CELSR1: variants seen among roughly 807,000 people sequenced by gnomAD.
The protein encoded by CELSR1 is adhesion G protein-coupled receptor C1.
In CELSR1, 110 loss-of-function variants were observed where a neutral mutation model predicts 249.1. That is an observed-to-expected ratio of 0.44 (90% CI 0.38 to 0.52). The LOEUF (loss-of-function observed/expected upper bound fraction) is 0.52. Among genes scored for constraint, CELSR1 ranks in the 20% least tolerant of loss-of-function variants. CELSR1 has a pLI of 0.00. For missense variants in CELSR1, 4,109 were observed against 4,296.4 expected, an observed-to-expected ratio of 0.96 and a Z score of 1.22; for synonymous variants, 2,113 against 1,900.0, an observed-to-expected ratio of 1.11 and a Z score of -2.92.
At chr22:46,502,327 G>T (rs1287404375) in intron 1 of CELSR1, among the ~76,000 whole-genome samples, 1 of 131,572 alleles carries the variant, frequency 7.6e-6, no homozygotes, top group Admixed American at 7.5e-5. Context: ...GAGGAAGAGG[G>T]GAGGGTAGGG....
At chr22:46,501,460 C>A (rs1341297426) in intron 1 of CELSR1, among the ~76,000 whole-genome samples, 3 of 152,152 alleles carry the variant, frequency 2.0e-5, no homozygotes, top group Non-Finnish European at 4.4e-5. Context: ...CCCGCCTCGA[C>A]CTCCCAGAGT....
intron 30 of CELSR1, 82 bp from the exon 31 acceptor site, chr22:46,365,771 C>G (rs536399252): frequency 2.9e-6 from 3 of 1,029,214 alleles, no homozygotes; most frequent in African/African-American, 3.4e-5. Context: ...AGATTCTCTG[C>G]CCCTACCCCT....
rs1000342401 is a variant in CELSR1, at chr22:46,417,201, T to C, written c.4612-5442A>G. Among the ~76,000 whole-genome samples, 1 of 152,192 alleles carries C rather than the reference T, an allele frequency of 6.6e-6. No homozygotes were observed. The highest frequency in any genetic ancestry group is 2.4e-5 in the African/African-American group (1 of 41,450). On this transcript the variant is annotated intron_variant, in intron 5 of 34. Transcript: ENST00000674500. This position sits in a 1 kb window ranked among gnomAD's most constrained non-coding sequence, Gnocchi z 4.1. The stretch of plus-strand genomic sequence containing the variant: ...CCCAGGAAATGTGGGCAAGACCCCG[T>C]GCCAGTTCTGGCATGGAGACGACAA...
Position 46,445,863 on chromosome 22 carries a change from TCCTCCCAC to T in CELSR1, c.4184-6460_4184-6453del, listed in dbSNP as rs2079813618. Reference sequence around the variant, plus strand: ...GCTGCTCCTGGCCTTTGCCAGCTCATCCTCCCACCCAGCCAGGGAGAGGTGGAGTCCTC... The same window carrying T: ...GCTGCTCCTGGCCTTTGCCAGCTCATCCAGCCAGGGAGAGGTGGAGTCCTC... On this transcript the variant is annotated intron_variant, in intron 2 of 34. Transcript: ENST00000674500. This position sits in a 1 kb window ranked among gnomAD's most constrained non-coding sequence, Gnocchi z 4.4. Among the ~76,000 whole-genome samples the T allele has an allele frequency of 6.6e-6, 1 of 152,122 alleles. No individual in the cohort carries two copies. The highest frequency in any genetic ancestry group is 1.9e-4 in the East Asian group (1 of 5,188).
chr22:46,472,061 G>A lies in CELSR1; in HGVS notation c.3545-7716C>T, dbSNP rs138079994. Among the ~76,000 whole-genome samples the A allele has an allele frequency of 1.6e-3, 246 of 152,288 alleles. 1 individual carries two copies. Among genetic ancestry groups the A allele is most frequent in the African/African-American group, 5.6e-3 (234 of 41,568 alleles). ...GCTCCAGGCATTCCTCCCAGGCCTG[G>A]AGCGGCTCCGCGGCACCTCAAAAGC... is the stretch of plus-strand genomic sequence containing the variant. On this transcript the variant is annotated intron_variant, in intron 1 of 34. Transcript: ENST00000674500. The surrounding 1 kb of genome is among the most constrained non-coding windows in gnomAD (Gnocchi z 7.0).
intron 24 of CELSR1, among the ~76,000 whole-genome samples, chr22:46,373,372 T>G (rs571634827): frequency 6.6e-6 from 1 of 151,400 alleles, no homozygotes; most frequent in East Asian, 2.0e-4. Flanking sequence ...GGAACTGCAC[T>G]TGAAGATGTG....
Position 46,389,505 on chromosome 22 carries a change from A to T in CELSR1, c.6346-6T>A. 1.9e-6 allele frequency: 3 copies of T among 1,613,044 alleles called. No homozygotes were observed. The highest frequency in any genetic ancestry group is 2.5e-6 in the Non-Finnish European group (3 of 1,179,984). On this transcript the variant is annotated splice_polypyrimidine_tract_variant and splice_region_variant and intron_variant, in intron 17 of 34. Transcript: ENST00000674500. ...TTGCGGCTCAGCTTCTCATTCTGGA[A>T]CAGGGAGGCAGTCGTGATGTGTGCA...
intron 1 of CELSR1, among the ~76,000 whole-genome samples, chr22:46,504,816 C>T (rs2080499377): frequency 6.6e-6 from 1 of 152,132 alleles, no homozygotes. Context: ...TCAGCAAAAC[C>T]TCAAAAGTTA....
chr22:46,498,271 AAAAAAGCGAAAC>A (rs2080432977), intron 1 of CELSR1, among the ~76,000 whole-genome samples: 3 of 70,280 alleles, frequency 4.3e-5, no homozygotes, highest in East Asian at 4.2e-4. Flanking sequence ...AAAAAAAAAA[AAAAAAGCGAAAC>A]TCTGTCTCAA....
Position 46,436,230 on chromosome 22 carries a change from T to C in CELSR1, c.4466A>G (p.His1489Arg). 6.2e-7 allele frequency: 1 copy of C among 1,614,172 alleles called. No homozygotes were observed. The highest frequency in any genetic ancestry group is 8.5e-7 in the Non-Finnish European group (1 of 1,180,030). The stretch of plus-strand genomic sequence containing the variant: ...CACGATCTCCAGGGCGATGAAGTCG[T>C]GCTTCTCATTGAAGCGGCCGTTGTA... ...LLYNGRFNEK[H>R]DFIALEIVDE... The change falls in exon 4 of 35, where the codon CAC becomes CGC. Residue 1489 changes from histidine to arginine, a missense_variant. By Grantham distance (29) the His-to-Arg change is conservative. This residue lies in a region of CELSR1 where 453 missense variants were observed against 492.0 expected (regional missense o/e 0.92). Coordinates refer to ENST00000674500, the MANE Select transcript of CELSR1 (RefSeq NM_001378328.1). The surrounding 1 kb of genome is among the most constrained non-coding windows in gnomAD (Gnocchi z 5.9).
At chr22:46,466,981 C>T (rs932291160) in intron 1 of CELSR1, among the ~76,000 whole-genome samples, 11 of 152,190 alleles carry the variant, frequency 7.2e-5, no homozygotes, top group African/African-American at 2.2e-4. Context: ...ACAAAGCCTC[C>T]AGGAACCTGG....
At chr22:46,451,120 C>T (rs1407037995) in intron 2 of CELSR1, among the ~76,000 whole-genome samples, 3 of 152,142 alleles carry the variant, frequency 2.0e-5, no homozygotes, top group Non-Finnish European at 4.4e-5. Context: ...TTGGGTTTCA[C>T]GCATTGTTTG....
In CELSR1 at chr22:46,440,763, T is replaced by C. The variant is rs541404771; in HGVS notation, c.4184-1352A>G. Among the ~76,000 whole-genome samples the C allele has an allele frequency of 6.6e-6, 1 of 152,282 alleles. No individual in the cohort carries two copies. The highest frequency in any genetic ancestry group is 1.9e-4 in the East Asian group (1 of 5,186). ...CCCCAGCTTAATGTTTAACATTAGG[T>C]TTTATGTATTTGTAGCCCCACAGAA... On this transcript the variant is annotated intron_variant, in intron 2 of 34. Transcript: ENST00000674500. The surrounding 1 kb of genome is among the most constrained non-coding windows in gnomAD (Gnocchi z 4.7).
In CELSR1 at chr22:46,417,447, C is replaced by T. The variant is rs192142177; in HGVS notation, c.4612-5688G>A. On this transcript the variant is annotated intron_variant, in intron 5 of 34. Coordinates refer to ENST00000674500, the MANE Select transcript of CELSR1 (RefSeq NM_001378328.1). This position sits in a 1 kb window ranked among gnomAD's most constrained non-coding sequence, Gnocchi z 4.1. ...CTAGGCAGGTAACAGGACCCTGTTC[C>T]GCCAGGTAGCCACCCTCTACACAGG... 8.3e-4 allele frequency among the ~76,000 whole-genome samples: 127 copies of T among 152,292 alleles called. No homozygotes were observed. Among genetic ancestry groups the T allele is most frequent in the Non-Finnish European group, 1.3e-3 (87 of 68,016 alleles).
chr22:46,525,403 C>G (rs935444616), intron 1 of CELSR1, among the ~76,000 whole-genome samples: 1 of 150,372 alleles, frequency 6.7e-6, no homozygotes, highest in Admixed American at 6.6e-5. Flanking sequence ...GAGCTGAGAT[C>G]GCACCATTGC....
chr22:46,482,852 T>A lies in CELSR1; in HGVS notation c.3545-18507A>T, dbSNP rs558429047. On this transcript the variant is annotated intron_variant, in intron 1 of 34. Coordinates refer to ENST00000674500, the MANE Select transcript of CELSR1 (RefSeq NM_001378328.1). ...GGGGAGGGGAACAAGCTCTATCTGA[T>A]GTCAAGATTTATAGCCTGTAGACAA... Among the ~76,000 whole-genome samples the A allele has an allele frequency of 4.9e-4, 74 of 152,308 alleles. 1 individual carries two copies. Among genetic ancestry groups the A allele is most frequent in the South Asian group, 3.1e-3 (15 of 4,826 alleles).
At position 46,391,212 on chromosome 22, in the gene CELSR1, G is replaced by A. The variant is rs367691326; in HGVS notation, c.6224C>T (p.Ala2075Val). 63 of 1,613,152 alleles carry A rather than the reference G, an allele frequency of 3.9e-5. No individual in the cohort carries two copies. Among genetic ancestry groups the A allele is most frequent in the Middle Eastern group, 1.6e-4 (1 of 6,084 alleles). The change falls in exon 16 of 35, where the codon GCG (alanine) becomes GTG (valine). Residue 2075 changes from alanine (A) to valine (V), a missense_variant. Around this residue, in one of 7 missense-constraint regions of CELSR1, gnomAD observed 1,805 missense variants for 1,831.6 expected, o/e 0.99. Transcript: ENST00000674500. This position sits in a 1 kb window ranked among gnomAD's most constrained non-coding sequence, Gnocchi z 4.3. ...AACGGATCCCTTAGGGCATGGCACC[G>A]CAGCCGGCTGCCCGAACTTGGTCTG... is the stretch of plus-strand genomic sequence containing the variant. Reference protein sequence around the residue: ...WPQTKFGQPAAVPCPKGSVGN... With the variant: ...WPQTKFGQPAVVPCPKGSVGN...
chr22:46,505,261 CAAAA>C (rs3081585), intron 1 of CELSR1, among the ~76,000 whole-genome samples: 3 of 62,550 alleles, frequency 4.8e-5, no homozygotes, highest in Admixed American at 2.6e-4. Flanking sequence ...GACTCTGTCT[CAAAA>C]AAAAAAAAAA....
At chr22:46,501,933 G>A (rs1208908276) in intron 1 of CELSR1, among the ~76,000 whole-genome samples, 3 of 152,136 alleles carry the variant, frequency 2.0e-5, no homozygotes, top group African/African-American at 7.2e-5. Flanking sequence ...AGCAGAGGAA[G>A]CTCATTACAT....
Sources: gnomAD v4.1 joint callset for allele counts (sites outside exome capture counted in the v4.1 genomes callset) on GRCh38, gnomAD v4.1.1 for gene constraint, gnomAD v4.1.1 regional missense constraint, Gnocchi (gnomAD v3.1) non-coding constraint, MANE v1.5 for transcripts, NCBI Gene and HGNC (gene_info 2026-07-23, HGNC 2026-07-21) for gene names.